MCF2L: variants seen among roughly 807,000 people sequenced by gnomAD.
MCF2L encodes the protein guanine nucleotide exchange factor DBS.
MCF2L carries 97 observed loss-of-function variants against 153.4 expected under a neutral mutation model. The ratio of observed to expected loss-of-function variants is 0.63; its 90% CI spans 0.54 to 0.75. The LOEUF is 0.75. MCF2L is among the 30% of genes least tolerant of loss of function. The probability of loss-of-function intolerance (pLI) is 0.00; values close to 1 mark genes in which losing one functional copy is unlikely to be tolerated. For missense variants in MCF2L, 1,347 were observed against 1,495.2 expected (o/e 0.90, Z 1.64); for synonymous variants, 659 against 632.2 (o/e 1.04, Z -0.64).
intron 15 of MCF2L, among the ~76,000 whole-genome samples, chr13:113,080,822 AGACTCGG>A (rs1486143358): frequency 6.6e-6 from 1 of 152,216 alleles, no homozygotes; most frequent in Non-Finnish European, 1.5e-5. Flanking sequence ...TTGGCAGAAG[AGACTCGG>A]GTGGATTCTA....
intron 2 of MCF2L, among the ~76,000 whole-genome samples, chr13:112,948,050 G>T (rs532381424): frequency 6.6e-6 from 1 of 152,356 alleles, no homozygotes; most frequent in African/African-American, 2.4e-5. Flanking sequence ...AAGGAGTGCT[G>T]TGCCAGAATG....
In MCF2L at chr13:113,098,668, C is replaced by A. The variant is rs1331141051; in HGVS notation, c.*1809C>A. 6.6e-6 allele frequency: 1 copy of A among 152,296 alleles called. No individual in the cohort carries two copies. The highest frequency in any genetic ancestry group is 1.5e-5 in the Non-Finnish European group (1 of 68,060). The allele number at this position is 152,296 out of a possible 1,614,324, so 9.4% of individuals were successfully genotyped here. Reference sequence around the variant, plus strand: ...GGACGGAAAAGAAGCCGGCAGTGGGCAGGGCCCAGCGTGCGGCTCAGGCAC... The same window carrying A: ...GGACGGAAAAGAAGCCGGCAGTGGGAAGGGCCCAGCGTGCGGCTCAGGCAC... On this transcript the variant is annotated 3_prime_UTR_variant, in exon 30 of 30. Coordinates refer to ENST00000535094, the MANE Select transcript of MCF2L (RefSeq NM_001112732.3).
At chr13:113,088,524 A>G in intron 24 of MCF2L, 38 bp from the exon 25 acceptor site, 3 of 1,610,978 alleles carry the variant, frequency 1.9e-6, no homozygotes, top group Admixed American at 1.7e-5. Flanking sequence ...TGAAGTAAAG[A>G]CGCTCGTTCA....
intron 1 of MCF2L, among the ~76,000 whole-genome samples, chr13:112,990,657 G>C (rs1035400918): frequency 6.6e-6 from 1 of 152,224 alleles, no homozygotes; most frequent in Non-Finnish European, 1.5e-5. Flanking sequence ...ACTGCTTTCT[G>C]TGTGGAGCTA....
At chr13:113,065,824 A>G (rs1163475789) in intron 7 of MCF2L, among the ~76,000 whole-genome samples, 1 of 152,178 alleles carries the variant, frequency 6.6e-6, no homozygotes, top group African/African-American at 2.4e-5. Context: ...AGTGCCCTGT[A>G]ATGGCAGCTC....
intron 1 of MCF2L, among the ~76,000 whole-genome samples, chr13:112,994,264 G>T (rs1292183530): frequency 1.3e-5 from 2 of 151,178 alleles, no homozygotes; most frequent in Non-Finnish European, 2.9e-5. Context: ...TCGGGCAGGG[G>T]CTGGCGTGGC....
Position 112,902,957 on chromosome 13 carries a change from G to A in MCF2L, c.169+586G>A, listed in dbSNP as rs559168837. ...ATGCTTCTCTCTCCAGCCCCTGCCT[G>A]TCTGAATGTTCTGCATGTATTTTCT... On this transcript the variant is annotated intron_variant, in intron 2 of 29. Transcript: ENST00000375608. Among the ~76,000 whole-genome samples the A allele has an allele frequency of 1.8e-4, 27 of 152,334 alleles. No homozygotes were observed. The East Asian group carries it at 4.6e-3, about 26-fold the overall frequency.
chr13:113,021,927 A>G (rs1264038236), intron 2 of MCF2L, among the ~76,000 whole-genome samples: 1 of 152,154 alleles, frequency 6.6e-6, no homozygotes, highest in East Asian at 1.9e-4. Flanking sequence ...CCAGCTACCA[A>G]CTGAACGAGG....
chr13:113,014,631 C>T (rs996733699), intron 1 of MCF2L, 132 bp from the exon 2 acceptor site: 6 of 655,872 alleles, frequency 9.1e-6, no homozygotes, highest in Non-Finnish European at 1.1e-5. Flanking sequence ...ACTGAAAAGC[C>T]TTTTTCCAGC....
At chr13:112,994,623 A>G (rs1450660395) in intron 1 of MCF2L, among the ~76,000 whole-genome samples, 3 of 152,192 alleles carry the variant, frequency 2.0e-5, no homozygotes, top group Non-Finnish European at 4.4e-5. Context: ...CGCGGTGACC[A>G]ATGTGTGGAG....
intron 2 of MCF2L, among the ~76,000 whole-genome samples, chr13:112,928,264 G>GT (rs2081428131): frequency 6.6e-6 from 1 of 152,198 alleles, no homozygotes; most frequent in Admixed American, 6.5e-5. Flanking sequence ...CGTTTCTGAT[G>GT]TTTTTGCACT....
intron 1 of MCF2L, among the ~76,000 whole-genome samples, chr13:112,970,677 C>A (rs1265127622): frequency 6.6e-6 from 1 of 152,098 alleles, no homozygotes; most frequent in South Asian, 2.1e-4. Flanking sequence ...CTCTGCGTGC[C>A]GTTCGGTGTC....
rs1297653940 is a variant in MCF2L, at chr13:113,046,679, T to C, written c.369+1318T>C. On this transcript the variant is annotated intron_variant, in intron 4 of 29. Coordinates refer to ENST00000535094, the MANE Select transcript of MCF2L (RefSeq NM_001112732.3). The surrounding 1 kb of genome is among the most constrained non-coding windows in gnomAD (Gnocchi z 4.4). ...CCTGTCCCTGAGCCGCTGGTTCTCA[T>C]CGAAGTCTTTAGGATGAGGCATCTC... is the stretch of plus-strand genomic sequence containing the variant. 1.9e-6 allele frequency: 1 copy of C among 532,550 alleles called. No homozygotes were observed. Among genetic ancestry groups the C allele is most frequent in the African/African-American group, 1.9e-5 (1 of 51,956 alleles). 33.0% of individuals were successfully genotyped at this position (532,550 alleles called of 1,614,324 possible).
intron 1 of MCF2L, among the ~76,000 whole-genome samples, chr13:112,971,174 G>C (rs2082026994): frequency 6.6e-6 from 1 of 152,340 alleles, no homozygotes; most frequent in South Asian, 2.1e-4. Context: ...TTATGATGCA[G>C]TATTGACATG....
chr13:113,052,135 T>C (rs1433016331), intron 4 of MCF2L, among the ~76,000 whole-genome samples: 1 of 152,250 alleles, frequency 6.6e-6, no homozygotes. Context: ...ATCATTCCAC[T>C]GAGGATACCT....
At chr13:113,081,819 C>T (rs956824403) in intron 16 of MCF2L, among the ~76,000 whole-genome samples, 5 of 150,170 alleles carry the variant, frequency 3.3e-5, no homozygotes, top group Non-Finnish European at 7.4e-5. Flanking sequence ...TCCGAATCAC[C>T]GAGTGTTCAG....
In MCF2L at chr13:113,028,749, C is replaced by G. The variant is rs528117983; in HGVS notation, c.278+3991C>G. 1.4e-4 allele frequency among the ~76,000 whole-genome samples: 22 copies of G among 152,250 alleles called. No homozygotes were observed. Among genetic ancestry groups the G allele is most frequent in the African/African-American group, 4.6e-4 (19 of 41,554 alleles). The stretch of plus-strand genomic sequence containing the variant: ...TTCAGCCATGAGCAGTGCTGCTGAC[C>G]GTGGAGCTGTTTCCCCCACCAGACT... On this transcript the variant is annotated intron_variant, in intron 3 of 29. Coordinates refer to ENST00000535094, the MANE Select transcript of MCF2L (RefSeq NM_001112732.3). This position sits in a 1 kb window ranked among gnomAD's most constrained non-coding sequence, Gnocchi z 5.4.
rs146440816 is a variant in MCF2L at position 113,035,230 on chromosome 13, C to T, written c.279-10041C>T. On this transcript the variant is annotated intron_variant, in intron 3 of 29. Transcript: ENST00000535094. The surrounding 1 kb of genome is among the most constrained non-coding windows in gnomAD (Gnocchi z 4.4). Reference sequence around the variant, plus strand: ...TGACTCTGACGCTCTCATTGCTTCACGTTTAATTTTTGTGTCCTGCTGTAA... The same window carrying T: ...TGACTCTGACGCTCTCATTGCTTCATGTTTAATTTTTGTGTCCTGCTGTAA... 9.5e-4 allele frequency among the ~76,000 whole-genome samples: 145 copies of T among 152,320 alleles called. No homozygotes were observed. The highest frequency in any genetic ancestry group is 3.4e-3 in the African/African-American group (142 of 41,574).
chr13:112,913,385 G>A (rs575927893), intron 2 of MCF2L, among the ~76,000 whole-genome samples: 3 of 152,182 alleles, frequency 2.0e-5, no homozygotes, highest in Non-Finnish European at 4.4e-5. Context: ...ACCTCACCTG[G>A]CAAAACAAAA....
Sources: allele counts gnomAD v4.1 joint callset (sites outside exome capture counted in the v4.1 genomes callset), GRCh38; gene constraint gnomAD v4.1.1; non-coding constraint Gnocchi (gnomAD v3.1); transcripts MANE v1.5; gene names NCBI Gene and HGNC (gene_info 2026-07-23, HGNC 2026-07-21).